ROBO1: variants seen among roughly 807,000 people sequenced by gnomAD.
ROBO1 encodes roundabout homolog 1.
ROBO1 carries 149 observed loss-of-function variants against 195.9 expected under a neutral mutation model. The observed-to-expected ratio is 0.76, with a 90% confidence interval of 0.67 to 0.87. The LOEUF (loss-of-function observed/expected upper bound fraction) is 0.87. Ranked by LOEUF, ROBO1 falls within the 40% of genes least tolerant of loss-of-function variation. The pLI is 0.00. For missense variants in ROBO1, 1,933 were observed against 2,068.3 expected, an observed-to-expected ratio of 0.93 and a Z score of 1.27; for synonymous variants, 816 against 733.2, an observed-to-expected ratio of 1.11 and a Z score of -1.82.
chr3:79,239,591 T>C (rs1368255081), intron 2 of ROBO1, among the ~76,000 whole-genome samples: 1 of 152,206 alleles, frequency 6.6e-6, no homozygotes, highest in Non-Finnish European at 1.5e-5. Context: ...AAATGGGTTG[T>C]CAGTGGTATT....
At chr3:79,753,491 C>A (rs1274432374) in intron 1 of ROBO1, among the ~76,000 whole-genome samples, 1 of 152,140 alleles carries the variant, frequency 6.6e-6, no homozygotes, top group East Asian at 1.9e-4. Context: ...ATTGTCCACT[C>A]AGTGATTTGC....
chr3:78,706,582 T>G (rs1463915105), intron 8 of ROBO1, among the ~76,000 whole-genome samples: 1 of 152,122 alleles, frequency 6.6e-6, no homozygotes, highest in African/African-American at 2.4e-5. Context: ...GCTCAAGTGA[T>G]CCTCCTATCT....
chr3:79,595,885 G>A (rs1474308824), intron 1 of ROBO1, among the ~76,000 whole-genome samples: 1 of 151,756 alleles, frequency 6.6e-6, no homozygotes, highest in East Asian at 1.9e-4. Context: ...GAATAACCGT[G>A]GCTTGTAGAG....
chr3:79,070,359 T>C (rs997050403), intron 3 of ROBO1, among the ~76,000 whole-genome samples: 2 of 151,938 alleles, frequency 1.3e-5, no homozygotes, highest in Non-Finnish European at 2.9e-5. Flanking sequence ...GTAAGGACCA[T>C]CTTTTATTAC....
chr3:79,097,884 A>G (rs1181741305), intron 3 of ROBO1, among the ~76,000 whole-genome samples: 1 of 151,680 alleles, frequency 6.6e-6, no homozygotes, highest in Non-Finnish European at 1.5e-5. Context: ...CAACCTGTGG[A>G]AAAAGAATAG....
chr3:79,164,418 ATC>A (rs2108675110), intron 2 of ROBO1, among the ~76,000 whole-genome samples: 1 of 152,340 alleles, frequency 6.6e-6, no homozygotes, highest in East Asian at 1.9e-4. Flanking sequence ...CTGTCAAATA[ATC>A]ATATGATGAA....
At chr3:79,310,502 C>T (rs562700841) in intron 2 of ROBO1, among the ~76,000 whole-genome samples, 2 of 152,140 alleles carry the variant, frequency 1.3e-5, no homozygotes, top group Non-Finnish European at 2.9e-5. Context: ...TCTATTCTAC[C>T]ATCCAATATA....
chr3:79,472,270 C>T (rs971556466), intron 2 of ROBO1, among the ~76,000 whole-genome samples: 1 of 152,122 alleles, frequency 6.6e-6, no homozygotes, highest in Non-Finnish European at 1.5e-5. Flanking sequence ...CAATGTCACA[C>T]TTCCTAGTGT....
intron 3 of ROBO1, among the ~76,000 whole-genome samples, chr3:78,981,640 G>C (rs879302424): frequency 1.3e-5 from 2 of 151,756 alleles, no homozygotes; most frequent in Non-Finnish European, 2.9e-5. Context: ...GTAGTACCAG[G>C]GCTCAGAGAA....
intron 3 of ROBO1, among the ~76,000 whole-genome samples, chr3:78,967,997 A>G (rs1462637494): frequency 6.6e-6 from 1 of 152,212 alleles, no homozygotes; most frequent in Non-Finnish European, 1.5e-5. Flanking sequence ...AAACAAATAA[A>G]TGTTTTCATT....
rs139914669 is a variant in ROBO1 at position 79,744,001 on chromosome 3, G to A, written c.-51+23751C>T. Among the ~76,000 whole-genome samples, 348 of 152,172 alleles carry A rather than the reference G, an allele frequency of 2.3e-3. 1 individual carries two copies. The highest frequency in any genetic ancestry group is 7.9e-3 in the African/African-American group (327 of 41,534). On this transcript the variant is annotated intron_variant, in intron 1 of 30. Coordinates refer to ENST00000464233, the MANE Select transcript of ROBO1 (RefSeq NM_002941.4). Reference sequence around the variant, plus strand: ...GAGTACATTCTAAAATAACAGTAAAGAGTATAGTATAGTAAATACACAAAA... The same window carrying A: ...GAGTACATTCTAAAATAACAGTAAAAAGTATAGTATAGTAAATACACAAAA...
intron 2 of ROBO1, among the ~76,000 whole-genome samples, chr3:79,217,591 G>A (rs1208454053): frequency 1.3e-5 from 2 of 151,826 alleles, no homozygotes; most frequent in South Asian, 2.1e-4. Context: ...CGTGGGTTAT[G>A]TTGCTTTTTT....
intron 21 of ROBO1, among the ~76,000 whole-genome samples, chr3:78,641,759 A>C (rs1360491643): frequency 6.6e-6 from 1 of 152,186 alleles, no homozygotes; most frequent in Non-Finnish European, 1.5e-5. Context: ...CAAAAGAAAT[A>C]GACAATATTT....
intron 3 of ROBO1, among the ~76,000 whole-genome samples, chr3:79,020,877 G>A (rs1345174288): frequency 6.6e-6 from 1 of 152,020 alleles, no homozygotes; most frequent in East Asian, 1.9e-4. Flanking sequence ...ACAGAACTGC[G>A]CAATGGATAG....
chr3:79,357,323 T>C (rs1289754321), intron 2 of ROBO1, among the ~76,000 whole-genome samples: 2 of 152,144 alleles, frequency 1.3e-5, no homozygotes, highest in Non-Finnish European at 2.9e-5. Flanking sequence ...GGCTTCTCTA[T>C]ATATTTAAGG....
chr3:79,162,498 C>T (rs1024345016), intron 2 of ROBO1, among the ~76,000 whole-genome samples: 1 of 152,030 alleles, frequency 6.6e-6, no homozygotes, highest in Non-Finnish European at 1.5e-5. Context: ...GAAGAAAATA[C>T]ATGTGTCTTT....
intron 2 of ROBO1, among the ~76,000 whole-genome samples, chr3:79,354,235 C>T (rs1256083624): frequency 6.6e-6 from 1 of 152,130 alleles, no homozygotes; most frequent in East Asian, 1.9e-4. Context: ...TACAGTCAGA[C>T]TTAACGCTAA....
chr3:79,225,011 T>C (rs888333556), intron 2 of ROBO1, among the ~76,000 whole-genome samples: 2 of 152,120 alleles, frequency 1.3e-5, no homozygotes, highest in African/African-American at 4.8e-5. Context: ...AGAAAGCGTG[T>C]CATTTGAGTA....
chr3:79,491,692 C>A (rs1275355380), intron 2 of ROBO1, among the ~76,000 whole-genome samples: 2 of 152,022 alleles, frequency 1.3e-5, no homozygotes, highest in Non-Finnish European at 2.9e-5. Flanking sequence ...ATTTTGAATT[C>A]TGATTGCATC....
Sources: allele counts gnomAD v4.1 joint callset (sites outside exome capture counted in the v4.1 genomes callset), GRCh38; gene constraint gnomAD v4.1.1; transcripts MANE v1.5; gene names NCBI Gene and HGNC (gene_info 2026-07-23, HGNC 2026-07-21).